Variants in ADIPOR2 observed in about 807,000 individuals in gnomAD.
ADIPOR2 encodes the protein adiponectin receptor 2.
In ADIPOR2, 18 loss-of-function variants were observed where a neutral mutation model predicts 40.9. The ratio of observed to expected loss-of-function variants is 0.44; its 90% CI spans 0.30 to 0.65. The LOEUF is 0.65. Among genes scored for constraint, ADIPOR2 ranks in the 30% least tolerant of loss-of-function variants. ADIPOR2 has a pLI of 0.09. For synonymous variants in ADIPOR2, 165 were observed against 166.4 expected (o/e 0.99, Z 0.06); for missense variants, 283 against 479.2 (o/e 0.59, Z 3.82).
chr12:1,788,018 G>A lies in ADIPOR2; in HGVS notation c.*1946G>A, dbSNP rs1382769878. 1 of 152,762 alleles carries A rather than the reference G, an allele frequency of 6.5e-6. No homozygotes were observed. Among genetic ancestry groups the A allele is most frequent in the African/African-American group, 2.4e-5 (1 of 41,458 alleles). The allele number at this position is 152,762 out of a possible 1,614,324, so 9.5% of individuals were successfully genotyped here. ...CAGCAGGACAGTGGCCATTTGGACA[G>A]AAGCCCACTTAGTTTCTTGGGAGCA... On this transcript the variant is annotated 3_prime_UTR_variant, in exon 8 of 8. Transcript: ENST00000357103.
chr12:1,712,642 G>C (rs2094679866), intron 1 of ADIPOR2, among the ~76,000 whole-genome samples: 1 of 152,074 alleles, frequency 6.6e-6, no homozygotes, highest in African/African-American at 2.4e-5. Flanking sequence ...TTTGAAGGCT[G>C]TTTCTGCCTC....
At chr12:1,781,514 C>T (rs1862719889) in intron 6 of ADIPOR2, among the ~76,000 whole-genome samples, 1 of 152,076 alleles carries the variant, frequency 6.6e-6, no homozygotes, top group African/African-American at 2.4e-5. Context: ...TAAGGCTTCA[C>T]CCCCATGCTG....
At position 1,784,028 on chromosome 12, in the gene ADIPOR2, T is replaced by G. The variant is rs1020376890; in HGVS notation, c.987T>G (p.Ala329=). 10 of 1,605,952 alleles carry G rather than the reference T, an allele frequency of 6.2e-6. No homozygotes were observed. The highest frequency in any genetic ancestry group is 1.7e-4 in the Middle Eastern group (1 of 6,042). ...ACATCACAGGAGCTGCCCTGTATGC[T>G]GCCCGGATCCCCGAACGCTTTTTCC... ...SLYITGAALY[A]ARIPERFFPG... The change falls in exon 7 of 8, where the codon GCT becomes GCG. Residue 329 remains alanine, a synonymous_variant. Coordinates refer to ENST00000357103, the MANE Select transcript of ADIPOR2 (RefSeq NM_024551.3).
At chr12:1,757,845 G>A in intron 2 of ADIPOR2, 1 of 832,120 alleles carries the variant, frequency 1.2e-6, no homozygotes, top group Non-Finnish European at 2.1e-6. Context: ...TTCATCTCCT[G>A]TCAGGGCTTA....
chr12:1,705,077 C>T (rs1035798088), intron 1 of ADIPOR2, among the ~76,000 whole-genome samples: 9 of 152,070 alleles, frequency 5.9e-5, no homozygotes, highest in African/African-American at 2.2e-4. Flanking sequence ...TGAGATAGAG[C>T]CCCGAATGAT....
At chr12:1,714,547 T>C (rs1446091682) in intron 1 of ADIPOR2, among the ~76,000 whole-genome samples, 2 of 152,074 alleles carry the variant, frequency 1.3e-5, no homozygotes, top group African/African-American at 2.4e-5. Context: ...CCCTGAGTTA[T>C]GGTGGATGTC....
intron 1 of ADIPOR2, among the ~76,000 whole-genome samples, chr12:1,724,367 T>A (rs1456822688): frequency 6.6e-6 from 1 of 152,090 alleles, no homozygotes; most frequent in Non-Finnish European, 1.5e-5. Flanking sequence ...ATACACTAAG[T>A]GAAACTGGCC....
At chr12:1,724,017 T>C (rs2094702955) in intron 1 of ADIPOR2, among the ~76,000 whole-genome samples, 1 of 151,738 alleles carries the variant, frequency 6.6e-6, no homozygotes, top group Admixed American at 6.6e-5. Flanking sequence ...AGTCTTGCAC[T>C]GTTGCCCGGG....
chr12:1,771,026 A>G (rs1353844997), intron 2 of ADIPOR2, among the ~76,000 whole-genome samples: 3 of 152,150 alleles, frequency 2.0e-5, no homozygotes, highest in Admixed American at 6.5e-5. Context: ...GAGGAAAGCA[A>G]TCTAAAATGT....
intron 1 of ADIPOR2, among the ~76,000 whole-genome samples, chr12:1,748,287 C>G (rs373090709): frequency 5.3e-5 from 8 of 152,068 alleles, no homozygotes; most frequent in South Asian, 2.1e-4. Context: ...CTCTCTCTGT[C>G]GCCCAGGCTG....
intron 1 of ADIPOR2, among the ~76,000 whole-genome samples, chr12:1,719,714 C>A (rs1407179512): frequency 6.7e-6 from 1 of 148,686 alleles, no homozygotes. Flanking sequence ...CTTGCTCTGT[C>A]CCCAGGCTGG....
At chr12:1,766,179 A>G (rs1862376397) in intron 2 of ADIPOR2, among the ~76,000 whole-genome samples, 1 of 152,200 alleles carries the variant, frequency 6.6e-6, no homozygotes, top group South Asian at 2.1e-4. Flanking sequence ...TTGCAAATGG[A>G]TTTAGCTAAG....
At chr12:1,775,992 A>G (rs1403179723) in intron 3 of ADIPOR2, among the ~76,000 whole-genome samples, 1 of 152,212 alleles carries the variant, frequency 6.6e-6, no homozygotes, top group Non-Finnish European at 1.5e-5. Context: ...GTATGTTAGA[A>G]GCAAGCATAG....
rs553657030 is a variant in ADIPOR2, at chr12:1,750,923, T to C, written c.-86-3335T>C. 4.6e-5 allele frequency among the ~76,000 whole-genome samples: 7 copies of C among 152,108 alleles called. No individual in the cohort carries two copies. In the East Asian group the frequency reaches 1.2e-3, roughly 25 times the overall value. ...TTTTTTCCCCCAATTTTTATACTCA[T>C]TTTTTTCCCTCATTTAATTATCTAA... On this transcript the variant is annotated intron_variant, in intron 1 of 7. Coordinates refer to ENST00000357103, the MANE Select transcript of ADIPOR2 (RefSeq NM_024551.3).
At chr12:1,754,743 A>G (rs1028472752) in intron 2 of ADIPOR2, among the ~76,000 whole-genome samples, 3 of 148,788 alleles carry the variant, frequency 2.0e-5, no homozygotes, top group East Asian at 2.0e-4. Context: ...TACTACTACT[A>G]CTACTATTGA....
At chr12:1,757,629 G>T in intron 2 of ADIPOR2, 1 of 1,296,772 alleles carries the variant, frequency 7.7e-7, no homozygotes, top group Non-Finnish European at 1.1e-6. Context: ...TTCCTTTTGT[G>T]CCCCCAGAGA....
intron 1 of ADIPOR2, among the ~76,000 whole-genome samples, chr12:1,724,925 T>C (rs2094704821): frequency 6.6e-6 from 1 of 152,122 alleles, no homozygotes; most frequent in Admixed American, 6.6e-5. Flanking sequence ...AGATAATGAC[T>C]GAACAACTGT....
chr12:1,749,686 T>TA (rs544817090), intron 1 of ADIPOR2, among the ~76,000 whole-genome samples: 126 of 152,280 alleles, frequency 8.3e-4, no homozygotes, highest in African/African-American at 2.9e-3. Flanking sequence ...CCATGTAAGT[T>TA]TTATAATGAG....
chr12:1,731,063 A>G (rs2094719209), intron 1 of ADIPOR2: 2 of 152,044 alleles, frequency 1.3e-5, no homozygotes, highest in Admixed American at 6.5e-5. Context: ...CAGATTCCTT[A>G]TTTTATTTGT....
Sources: gnomAD v4.1 joint callset for allele counts (sites outside exome capture counted in the v4.1 genomes callset) on GRCh38, gnomAD v4.1.1 for gene constraint, MANE v1.5 for transcripts, NCBI Gene and HGNC (gene_info 2026-07-23, HGNC 2026-07-21) for gene names.